Variants in SLC19A1 observed in about 807,000 individuals in gnomAD.
SLC19A1 encodes the protein reduced folate transporter.
A neutral mutation model predicts 35.3 loss-of-function variants in SLC19A1; 37 were observed. That is an observed-to-expected ratio of 1.05 (90% CI 0.81 to 1.38). SLC19A1 has a LOEUF of 1.38. Ranked by LOEUF, SLC19A1 falls within the 40% of genes most tolerant of loss-of-function variation. The pLI is 0.00. For missense variants in SLC19A1, 831 were observed against 826.9 expected, an observed-to-expected ratio of 1.00 and a Z score of -0.06; for synonymous variants, 460 against 398.5, an observed-to-expected ratio of 1.15 and a Z score of -1.84.
downstream of SLC19A1, among the ~76,000 whole-genome samples, chr21:45,510,472 C>G (rs991675274): frequency 6.6e-6 from 1 of 152,202 alleles, no homozygotes; most frequent in Non-Finnish European, 1.5e-5. Context: ...ACTGCCACGT[C>G]CCCCAGGGCA....
downstream of SLC19A1, chr21:45,509,382 C>T: frequency 1.3e-6 from 2 of 1,540,464 alleles, no homozygotes; most frequent in Middle Eastern, 2.0e-4. Context: ...CCTTGCAGCC[C>T]CCCGTGGTGC....
At chr21:45,504,524 C>T (rs1197685437) in intron 3 of SLC19A1, 4 of 1,514,876 alleles carry the variant, frequency 2.6e-6, no homozygotes, top group African/African-American at 2.8e-5. Context: ...CCCCCCAGGC[C>T]CCCCAGGCCC....
At chr21:45,518,721 A>G (rs977787756) in intron 5 of SLC19A1, among the ~76,000 whole-genome samples, 5 of 152,210 alleles carry the variant, frequency 3.3e-5, no homozygotes, top group African/African-American at 1.2e-4. Context: ...CAGGCTAAAA[A>G]AAAAGAACAC....
intron 1 of SLC19A1, among the ~76,000 whole-genome samples, chr21:45,550,754 G>A (rs746355811): frequency 4.6e-5 from 7 of 152,046 alleles, no homozygotes; most frequent in Non-Finnish European, 7.4e-5. Flanking sequence ...ATTTTCACAC[G>A]CAGTAGTGCA....
At position 45,532,078 on chromosome 21, in the gene SLC19A1, G is replaced by C. The variant is rs1415550417; in HGVS notation, c.260C>G (p.Thr87Ser). 6.2e-7 allele frequency: 1 copy of C among 1,612,438 alleles called. No individual in the cohort carries two copies. Among genetic ancestry groups the C allele is most frequent in the South Asian group, 1.1e-5 (1 of 91,054 alleles). Residue 87 changes from threonine (T) to serine (S), a missense_variant, in exon 3 of 6, where the codon ACC becomes AGC. Transcript: ENST00000311124. ...CACCGGCGTGTAGCGCAGGTAGTCG[G>C]TGAGCAGGAACACGGGCACCAGCAC... ...LAVLVPVFLL[T>S]DYLRYTPVLL...
chr21:45,557,574 G>A (rs2078575419), intron 1 of SLC19A1, among the ~76,000 whole-genome samples: 1 of 152,198 alleles, frequency 6.6e-6, no homozygotes, highest in African/African-American at 2.4e-5. Context: ...AGAGGAGCGA[G>A]GGCTGGGGGT....
At chr21:45,525,676 G>T (rs2077585434) in intron 5 of SLC19A1, 141 bp downstream of exon 5, 2 of 863,446 alleles carry the variant, frequency 2.3e-6, no homozygotes, top group Non-Finnish European at 3.6e-6. Context: ...CTGGCCTGGT[G>T]TGTCCCACTG....
Position 45,537,833 on chromosome 21 carries a change from G to A in SLC19A1, c.127C>T (p.Pro43Ser). 6.2e-7 allele frequency: 1 copy of A among 1,607,180 alleles called. No individual in the cohort carries two copies. Among genetic ancestry groups the A allele is most frequent in the Non-Finnish European group, 8.5e-7 (1 of 1,178,114 alleles). Residue 43 changes from proline (P) to serine (S), a missense_variant, in exon 2 of 6, where the codon CCA becomes TCA. Coordinates refer to ENST00000311124, the MANE Select transcript of SLC19A1 (RefSeq NM_194255.4). Reference protein sequence around the residue: ...CFYGFMAQIRPGESFITPYLL... With the variant: ...CFYGFMAQIRSGESFITPYLL... Reference sequence around the variant, plus strand: ...TAGGGGGTGATGAAGCTCTCCCCTGGCCGTATCTGCGCCATGAAGCCGTAG... The same window carrying A: ...TAGGGGGTGATGAAGCTCTCCCCTGACCGTATCTGCGCCATGAAGCCGTAG...
chr21:45,534,744 A>G lies in SLC19A1; in HGVS notation c.190-2596T>C. 1.4e-6 allele frequency: 1 copy of G among 699,046 alleles called. No individual in the cohort carries two copies. 43.3% of individuals were successfully genotyped at this position (699,046 alleles called of 1,614,324 possible). A position where few individuals can be genotyped will look rare whatever the true frequency, so the allele number is the denominator to read the frequency against. On this transcript the variant is annotated intron_variant, in intron 2 of 5. Coordinates refer to ENST00000311124, the MANE Select transcript of SLC19A1 (RefSeq NM_194255.4). This position sits in a 1 kb window ranked among gnomAD's most constrained non-coding sequence, Gnocchi z 4.2. ...TCCTCAGCCTTGGCAGGCAGACAGC[A>G]GGGAGGCTCTGCCCAGAGCTGTGAC...
rs2078011391 is a variant in SLC19A1 at position 45,533,657 on chromosome 21, GC to G, written c.190-1510del. On this transcript the variant is annotated intron_variant, in intron 2 of 5. Transcript: ENST00000311124. This position sits in a 1 kb window ranked among gnomAD's most constrained non-coding sequence, Gnocchi z 4.5. Reference sequence around the variant, plus strand: ...CTGCTGGACTCTGGGCCTCCAGCAGGCCCCACCCGACTCAGGCCTGACCACC... The same window carrying G: ...CTGCTGGACTCTGGGCCTCCAGCAGGCCCACCCGACTCAGGCCTGACCACC... Among the ~76,000 whole-genome samples the G allele has an allele frequency of 1.3e-5, 2 of 151,938 alleles. No individual in the cohort carries two copies. The highest frequency in any genetic ancestry group is 1.3e-4 in the Admixed American group (2 of 15,294).
rs2146291558 is a variant in SLC19A1, at chr21:45,525,812, C to G, written c.1293+5G>C. The G allele has an allele frequency of 2.5e-6, 4 of 1,613,064 alleles. No individual in the cohort carries two copies. The highest frequency in any genetic ancestry group is 3.4e-6 in the Non-Finnish European group (4 of 1,179,846). ...CCCGAGGACGCAGGCCTGAAATGGG[C>G]TCACCTGCTTGCGGACCGGGAGGCC... On this transcript the variant is annotated splice_donor_5th_base_variant and intron_variant, in intron 5 of 5. Transcript: ENST00000311124.
chr21:45,526,521 G>A (rs993333853), intron 4 of SLC19A1, among the ~76,000 whole-genome samples: 1 of 152,176 alleles, frequency 6.6e-6, no homozygotes, highest in Non-Finnish European at 1.5e-5. Context: ...TTTCCACCGG[G>A]TTGTCTTTCC....
downstream of SLC19A1, chr21:45,510,288 G>A (rs574830508): frequency 4.9e-5 from 77 of 1,570,034 alleles, no homozygotes; most frequent in South Asian, 4.3e-4. Flanking sequence ...CTGAGGGCGC[G>A]GGCTCCTCGG....
chr21:45,505,459 CCTGCGTCCCGTGCCCTGGCTGGTT>C, intron 3 of SLC19A1: 5 of 1,271,794 alleles, frequency 3.9e-6, no homozygotes, highest in East Asian at 2.4e-5. Context: ...CGGCTGGGCA[CCTGCGTCCCGTGCCCTGGCTGGTT>C]CTGCAGCCCC....
At chr21:45,546,191 G>C (rs2146479397), upstream of SLC19A1, among the ~76,000 whole-genome samples, 1 of 152,382 alleles carries the variant, frequency 6.6e-6, no homozygotes, top group Admixed American at 6.5e-5. Flanking sequence ...ACCGTCCTCA[G>C]CACCTTGTCT....
rs920009656 is a variant in SLC19A1 at position 45,514,267 on chromosome 21, AAGC to A, written c.*1388_*1390del. 1 of 105,872 alleles carries A rather than the reference AAGC, an allele frequency of 9.4e-6. No individual in the cohort carries two copies. Among genetic ancestry groups the A allele is most frequent in the Non-Finnish European group, 2.1e-5 (1 of 48,516 alleles). The allele number at this position is 105,872 out of a possible 1,614,324, so 6.6% of individuals were successfully genotyped here. The stretch of plus-strand genomic sequence containing the variant: ...AAATGGCTGGTGCAGACCCCCCCCC[AAGC>A]AGGGTCCCCAGGGTGGCCATGACAG... On this transcript the variant is annotated 3_prime_UTR_variant, in exon 6 of 6. Transcript: ENST00000311124.
At chr21:45,511,186 T>G, downstream of SLC19A1, 1 of 1,599,686 alleles carries the variant, frequency 6.3e-7, no homozygotes, top group Non-Finnish European at 8.5e-7. Context: ...GGCACGCATC[T>G]TCTCCTTTGA....
chr21:45,509,618 A>C, downstream of SLC19A1: 3 of 1,363,932 alleles, frequency 2.2e-6, no homozygotes, highest in African/African-American at 1.4e-5. Flanking sequence ...GCCCCCCCAA[A>C]GTGGGCTTGG....
chr21:45,525,760 A>G (rs1175011371), intron 5 of SLC19A1, 57 bp downstream of exon 5: 55 of 1,591,948 alleles, frequency 3.5e-5, no homozygotes, highest in Non-Finnish European at 4.6e-5. Context: ...GGAGGCCTCA[A>G]CAATGTCCCC....
Sources: allele counts gnomAD v4.1 joint callset (sites outside exome capture counted in the v4.1 genomes callset), GRCh38; gene constraint gnomAD v4.1.1; non-coding constraint Gnocchi (gnomAD v3.1); transcripts MANE v1.5; gene names NCBI Gene and HGNC (gene_info 2026-07-23, HGNC 2026-07-21).